Variants in FSD2 observed in about 807,000 individuals in gnomAD.
The protein encoded by FSD2 is fibronectin type III and SPRY domain-containing protein 2.
A neutral mutation model predicts 80.4 loss-of-function variants in FSD2; 71 were observed. That is an observed-to-expected ratio of 0.88 (90% CI 0.73 to 1.08). The LOEUF (loss-of-function observed/expected upper bound fraction) is 1.08, where lower values mean the gene tolerates loss of function less well. Ranked by LOEUF, FSD2 falls within the 50% of genes least tolerant of loss-of-function variation. The probability of loss-of-function intolerance (pLI) is 0.00; values close to 1 mark genes in which losing one functional copy is unlikely to be tolerated. For synonymous variants in FSD2, 361 were observed against 329.5 expected, an observed-to-expected ratio of 1.10 and a Z score of -1.03; for missense variants, 923 against 913.8, an observed-to-expected ratio of 1.01 and a Z score of -0.13.
At chr15:82,804,539 A>G (rs1228702394) in intron 1 of FSD2, among the ~76,000 whole-genome samples, 1 of 152,258 alleles carries the variant, frequency 6.6e-6, no homozygotes, top group African/African-American at 2.4e-5. Flanking sequence ...AAGAGCTTGG[A>G]TTCAAACCCA....
chr15:82,769,227 C>T (rs1342498661), intron 8 of FSD2, among the ~76,000 whole-genome samples, 197 bp from the exon 9 acceptor site: 4 of 152,142 alleles, frequency 2.6e-5, no homozygotes, highest in Non-Finnish European at 5.9e-5. Context: ...GTCAGTGTGA[C>T]CGAGAGTAGC....
intron 11 of FSD2, 135 bp from the exon 12 acceptor site, chr15:82,762,413 T>A: frequency 1.4e-6 from 1 of 699,802 alleles, no homozygotes. Context: ...GACACTTAAC[T>A]TGTAAAGTAC....
rs1000153013 is a variant in FSD2 at position 82,765,032 on chromosome 15, C to G, written c.1820+134G>C. 1.2e-4 allele frequency: 133 copies of G among 1,119,992 alleles called. 5 individuals carry two copies. The South Asian group carries it at 2.3e-3, about 20-fold the overall frequency. 69.4% of individuals were successfully genotyped at this position (1,119,992 alleles called of 1,614,324 possible). A position where few individuals can be genotyped will look rare whatever the true frequency, so the allele number is the denominator to read the frequency against. ...TCCTCTGGGTCCCCTCCCCATTAGG[C>G]TCCTCCCTCCTCACTCATTTGTAGG... On this transcript the variant is annotated intron_variant, in intron 11 of 12. Coordinates refer to ENST00000334574, the MANE Select transcript of FSD2 (RefSeq NM_001007122.4).
intron 3 of FSD2, among the ~76,000 whole-genome samples, chr15:82,784,156 G>C (rs925019827): frequency 2.6e-5 from 4 of 152,202 alleles, no homozygotes; most frequent in African/African-American, 7.2e-5. Flanking sequence ...CCAGTGTTGA[G>C]TATGAAAGGA....
intron 1 of FSD2, among the ~76,000 whole-genome samples, chr15:82,800,997 C>G (rs929850711): frequency 2.0e-5 from 3 of 152,180 alleles, no homozygotes; most frequent in African/African-American, 7.2e-5. Flanking sequence ...CTCTCCTACA[C>G]CTGCCCCAAT....
rs1016521779 is a variant in FSD2, at chr15:82,759,714, T to G, written c.1998-114A>C. 10 of 814,778 alleles carry G rather than the reference T, an allele frequency of 1.2e-5. No homozygotes were observed. In the African/African-American group the frequency reaches 1.7e-4, roughly 14 times the overall value. The allele number at this position is 814,778 out of a possible 1,614,324, so 50.5% of individuals were successfully genotyped here. A position where few individuals can be genotyped will look rare whatever the true frequency, so the allele number is the denominator to read the frequency against. On this transcript the variant is annotated intron_variant, in intron 12 of 12. Transcript: ENST00000334574. ...CTATGATTTTGCTATTTTCTAGTAT[T>G]AAATGACTACCAAGGTGACAAGCCA... is the stretch of plus-strand genomic sequence containing the variant.
Position 82,758,268 on chromosome 15 carries a change from A to G in FSD2, c.*1080T>C, listed in dbSNP as rs11635357. The stretch of plus-strand genomic sequence containing the variant: ...GCAGCTTCACTCACAAGCTTTGAAA[A>G]TGCTGTGTGTGCAGAGCTTAAGTGG... On this transcript the variant is annotated 3_prime_UTR_variant, in exon 13 of 13. Coordinates refer to ENST00000334574, the MANE Select transcript of FSD2 (RefSeq NM_001007122.4). 21,128 of 152,172 alleles carry G rather than the reference A, an allele frequency of 0.14. 1,936 individuals carry two copies. The highest frequency in any genetic ancestry group is 0.33 in the South Asian group (1,603 of 4,820). The allele number at this position is 152,172 out of a possible 1,614,324, so 9.4% of individuals were successfully genotyped here.
In FSD2 at chr15:82,759,316, A is replaced by G; in HGVS notation, c.*32T>C. Reference sequence around the variant, plus strand: ...GTGAGCAGCTGCGAGAGGGGTAGGCATGGAAGACAGGAAACTGGACATCAG... The same window carrying G: ...GTGAGCAGCTGCGAGAGGGGTAGGCGTGGAAGACAGGAAACTGGACATCAG... On this transcript the variant is annotated 3_prime_UTR_variant, in exon 13 of 13. Transcript: ENST00000334574. The G allele has an allele frequency of 6.2e-7, 1 of 1,606,694 alleles. No individual in the cohort carries two copies. Among genetic ancestry groups the G allele is most frequent in the East Asian group, 2.2e-5 (1 of 44,834 alleles).
chr15:82,765,421 C>T (rs2049392828), intron 10 of FSD2, 123 bp from the exon 11 acceptor site: 9 of 1,251,996 alleles, frequency 7.2e-6, no homozygotes, highest in South Asian at 2.8e-5. Context: ...TAGTAATAGG[C>T]GTCCAGTTAA....
At chr15:82,775,022 G>A (rs2049681729) in intron 6 of FSD2, among the ~76,000 whole-genome samples, 1 of 151,526 alleles carries the variant, frequency 6.6e-6, no homozygotes, top group Non-Finnish European at 1.5e-5. Flanking sequence ...GCCTGGCCTT[G>A]TTTCTAAATC....
intron 1 of FSD2, among the ~76,000 whole-genome samples, chr15:82,800,180 C>T (rs971809546): frequency 5.9e-5 from 9 of 152,284 alleles, no homozygotes; most frequent in East Asian, 1.9e-4. Flanking sequence ...TGGCCTGGAC[C>T]TCCCCCTTCC....
At chr15:82,777,049 C>T (rs1330745197) in intron 6 of FSD2, among the ~76,000 whole-genome samples, 1 of 152,198 alleles carries the variant, frequency 6.6e-6, no homozygotes, top group Non-Finnish European at 1.5e-5. Context: ...CCCTATCTTA[C>T]ACCAGAACAA....
In FSD2 at chr15:82,769,794, C is replaced by G; in HGVS notation, c.1358G>C (p.Arg453Thr). Residue 453 changes from arginine to threonine, a missense_variant, in exon 8 of 13, where the codon AGG becomes ACG. Arg to Thr is a moderately conservative substitution (Grantham distance 71, BLOSUM62 -1). Transcript: ENST00000334574. ...QYEFWVTAHN[R>T]AGPSPSSERA... ...CTCGCTAGAGGGGCTGGGGCCAGCC[C>G]TGTTGTGAGCTGTGACCCAAAATTC... 6.2e-7 allele frequency: 1 copy of G among 1,613,964 alleles called. No homozygotes were observed. Among genetic ancestry groups the G allele is most frequent in the Non-Finnish European group, 8.5e-7 (1 of 1,179,894 alleles).
intron 1 of FSD2, among the ~76,000 whole-genome samples, chr15:82,793,148 T>G (rs2050188791): frequency 6.6e-6 from 1 of 152,074 alleles, no homozygotes; most frequent in Admixed American, 6.6e-5. Flanking sequence ...CAGGCTGGAG[T>G]GCAGTGGCAC....
intron 4 of FSD2, among the ~76,000 whole-genome samples, chr15:82,782,104 T>TAATAATA (rs749972634): frequency 1.7e-5 from 2 of 118,906 alleles, no homozygotes; most frequent in African/African-American, 6.2e-5. Flanking sequence ...ATAATAATAA[T>TAATAATA]AAAACTCTTG....
At chr15:82,791,733 C>T (rs2050156643) in intron 1 of FSD2, among the ~76,000 whole-genome samples, 1 of 152,140 alleles carries the variant, frequency 6.6e-6, no homozygotes. Context: ...CTATCACCAC[C>T]AGCATTCCCC....
rs1596220831 is a variant in FSD2, at chr15:82,757,312, T to G, written c.*2036A>C. The G allele has an allele frequency of 1.3e-5, 2 of 152,034 alleles. No homozygotes were observed. Among genetic ancestry groups the G allele is most frequent in the African/African-American group, 4.8e-5 (2 of 41,498 alleles). 9.4% of individuals were successfully genotyped at this position (152,034 alleles called of 1,614,324 possible). ...CAAACTTGCCTTCTCTGTGATATCC[T>G]GTTTCTTACTTGGTAGTTTCTATTT... On this transcript the variant is annotated 3_prime_UTR_variant, in exon 13 of 13. Transcript: ENST00000334574.
rs544228414 is a variant in FSD2, at chr15:82,798,367, G to A, written c.-79+7599C>T. On this transcript the variant is annotated intron_variant, in intron 1 of 12. Coordinates refer to ENST00000334574, the MANE Select transcript of FSD2 (RefSeq NM_001007122.4). ...CAGAAGATAGAAAGGAAGAAAGAAC[G>A]AAAGGAAGAAAATTCATGTTTTAAG... 5.7e-4 allele frequency among the ~76,000 whole-genome samples: 87 copies of A among 152,074 alleles called. 1 individual carries two copies. Among genetic ancestry groups the A allele is most frequent in the Middle Eastern group, 3.4e-3 (1 of 294 alleles).
rs766495637 is a variant in FSD2, at chr15:82,786,952, G to A, written c.439C>T (p.Arg147Trp). 6.8e-6 allele frequency: 11 copies of A among 1,613,842 alleles called. No homozygotes were observed. In the East Asian group the frequency reaches 8.9e-5, roughly 13 times the overall value. Residue 147 changes from arginine (R) to tryptophan (W), a missense_variant, in exon 2 of 13, where the codon CGG becomes TGG. Coordinates refer to ENST00000334574, the MANE Select transcript of FSD2 (RefSeq NM_001007122.4). ...CCGTGTGTGTACCTATAGGCTTCCC[G>A]CAAGTCCTGGCACTGGCCTGCTGAG... Reference protein sequence around the residue: ...WGSAGQCQDLREAYRYTHGRA... With the variant: ...WGSAGQCQDLWEAYRYTHGRA...
Sources: allele counts gnomAD v4.1 joint callset (sites outside exome capture counted in the v4.1 genomes callset), GRCh38; gene constraint gnomAD v4.1.1; transcripts MANE v1.5; gene names NCBI Gene and HGNC (gene_info 2026-07-23, HGNC 2026-07-21).